Variants in FREM1 observed in about 807,000 individuals in gnomAD.
FREM1 encodes FRAS1 related extracellular matrix 1.
FREM1 carries 220 observed loss-of-function variants against 210.1 expected under a neutral mutation model. The observed-to-expected ratio is 1.05, with a 90% CI of 0.94 to 1.17. The LOEUF (loss-of-function observed/expected upper bound fraction) is 1.17, where lower values mean the gene tolerates loss of function less well. Among genes scored for constraint, FREM1 ranks in the 50% most tolerant of loss-of-function variants. The probability of loss-of-function intolerance (pLI) is 0.00; values close to 1 mark genes in which losing one functional copy is unlikely to be tolerated. For synonymous variants in FREM1, 1,189 were observed against 980.2 expected (o/e 1.21, Z -3.98); for missense variants, 3,454 against 2,675.5 (o/e 1.29, Z -6.42).
intron 1 of FREM1, among the ~76,000 whole-genome samples, chr9:14,878,810 T>C (rs2132087548): frequency 6.6e-6 from 1 of 152,212 alleles, no homozygotes; most frequent in South Asian, 2.1e-4. Context: ...TAAATTCCCT[T>C]ATACTGATTA....
intron 19 of FREM1, 133 bp from the exon 20 acceptor site, chr9:14,802,007 T>G: frequency 1.7e-6 from 1 of 595,060 alleles, no homozygotes; most frequent in Non-Finnish European, 2.9e-6. Flanking sequence ...GGATGAGTCC[T>G]AAAAAGAAAT....
chr9:14,888,640 T>C (rs147381524), intron 1 of FREM1, among the ~76,000 whole-genome samples: 105 of 152,336 alleles, frequency 6.9e-4, no homozygotes, highest in African/African-American at 2.3e-3. Flanking sequence ...TTCATAATTC[T>C]ATTTTAAATC....
intron 10 of FREM1, among the ~76,000 whole-genome samples, chr9:14,832,876 G>A (rs376796917): frequency 2.0e-5 from 3 of 152,088 alleles, no homozygotes; most frequent in African/African-American, 2.4e-5. Flanking sequence ...TATGCTTTGC[G>A]TGTCTTTCTG....
In FREM1 at chr9:14,904,131, A is replaced by C. The variant is rs915579453; in HGVS notation, c.-268+5783T>G. On this transcript the variant is annotated intron_variant, in intron 1 of 36. Transcript: ENST00000380880. ...CTCCGTCTCAAAAAAAAAAAAAAAA[A>C]AAAAAACACTTAGACATTTCTGTGA... Among the ~76,000 whole-genome samples, 8 of 151,704 alleles carry C rather than the reference A, an allele frequency of 5.3e-5. No individual in the cohort carries two copies. The South Asian group carries it at 8.3e-4, about 16-fold the overall frequency.
Position 14,874,763 on chromosome 9 carries a change from T to C in FREM1, c.-267-5519A>G, listed in dbSNP as rs146147140. Among the ~76,000 whole-genome samples, 1,193 of 152,300 alleles carry C rather than the reference T, an allele frequency of 7.8e-3. 22 individuals are homozygous for C. Among genetic ancestry groups the C allele is most frequent in the African/African-American group, 0.027 (1,123 of 41,558 alleles). On this transcript the variant is annotated intron_variant, in intron 1 of 36. Coordinates refer to ENST00000380880, the MANE Select transcript of FREM1 (RefSeq NM_001379081.2). ...AGTTGATGCAGTTTCTTCCTAGTCT[T>C]GATGATCTTCACAATTTGGCATGAT...
chr9:14,823,339 G>T lies in FREM1; in HGVS notation c.2170-12C>A, dbSNP rs778145981. The T allele has an allele frequency of 6.2e-7, 1 of 1,609,682 alleles. No individual in the cohort carries two copies. Among genetic ancestry groups the T allele is most frequent in the Non-Finnish European group, 8.5e-7 (1 of 1,177,264 alleles). On this transcript the variant is annotated splice_polypyrimidine_tract_variant and intron_variant, in intron 12 of 36. Coordinates refer to ENST00000380880, the MANE Select transcript of FREM1 (RefSeq NM_001379081.2). ...TAGTTCACAGCATGCTGCAAAGTAA[G>T]TTGAGATGGATATGTGGGTGCTGAC... is the stretch of plus-strand genomic sequence containing the variant.
chr9:14,853,957 T>A (rs557837321), intron 5 of FREM1, among the ~76,000 whole-genome samples: 5 of 152,296 alleles, frequency 3.3e-5, no homozygotes, highest in Admixed American at 6.5e-5. Context: ...TGGATACAAA[T>A]GATGAAAGAG....
chr9:14,774,036 C>G (rs1440841670), intron 25 of FREM1: 1 of 505,734 alleles, frequency 2.0e-6, no homozygotes, highest in East Asian at 5.5e-5. Flanking sequence ...AAAATAAAAA[C>G]AATAATTTTA....
rs1457124855 is a variant in FREM1 at position 14,842,464 on chromosome 9, A to C, written c.1590T>G (p.Ile530Met). 1 of 1,613,998 alleles carries C rather than the reference A, an allele frequency of 6.2e-7. No homozygotes were observed. The highest frequency in any genetic ancestry group is 1.1e-5 in the South Asian group (1 of 91,082). ...SPPFLITNVV[I>M]ELEEGQTILI... Reference sequence around the variant, plus strand: ...GGATGGTCTGCCCCTCCTCCAGTTCAATCACAACATTGGTTATGAGGAACG... The same window carrying C: ...GGATGGTCTGCCCCTCCTCCAGTTCCATCACAACATTGGTTATGAGGAACG... The change falls in exon 9 of 37, where the codon ATT becomes ATG. Residue 530 changes from isoleucine to methionine, a missense_variant. Coordinates refer to ENST00000380880, the MANE Select transcript of FREM1 (RefSeq NM_001379081.2).
At chr9:14,745,804 T>C (rs887698760) in intron 35 of FREM1, among the ~76,000 whole-genome samples, 8 of 152,234 alleles carry the variant, frequency 5.3e-5, no homozygotes, top group Admixed American at 3.3e-4. Flanking sequence ...TGGTTGTCAT[T>C]CTCTGACCAT....
chr9:14,747,315 C>A lies in FREM1; in HGVS notation c.5958G>T (p.Leu1986=). 1 of 1,613,682 alleles carries A rather than the reference C, an allele frequency of 6.2e-7. No individual in the cohort carries two copies. The highest frequency in any genetic ancestry group is 8.5e-7 in the Non-Finnish European group (1 of 1,179,760). ...TGGATTCCACCTTATCTGCTTGAGG[C>A]AGTTCTGCCACTTTGATTGTCTTTT... ...QPQKTIKVAE[L]PQADKVESTT... is the part of the protein sequence containing the mutation. Residue 1986 remains leucine (L), a synonymous_variant, in exon 33 of 37, where the codon CTG becomes CTT. Coordinates refer to ENST00000380880, the MANE Select transcript of FREM1 (RefSeq NM_001379081.2).
chr9:14,819,473 A>C (rs778917517), intron 13 of FREM1, 31 bp from the exon 14 acceptor site: 38 of 1,462,586 alleles, frequency 2.6e-5, no homozygotes, highest in Non-Finnish European at 3.6e-5. Flanking sequence ...AAACATTCAA[A>C]GCCTTTTTCC....
At chr9:14,893,240 T>A (rs1048260939) in intron 1 of FREM1, among the ~76,000 whole-genome samples, 1 of 152,178 alleles carries the variant, frequency 6.6e-6, no homozygotes, top group Non-Finnish European at 1.5e-5. Context: ...AAGTTTTGAT[T>A]AGTGGGAAAA....
chr9:14,876,759 C>T (rs191426276), intron 1 of FREM1, among the ~76,000 whole-genome samples: 7 of 152,172 alleles, frequency 4.6e-5, no homozygotes, highest in African/African-American at 7.2e-5. Context: ...AGAAATCACC[C>T]GTCTTCTGCA....
chr9:14,851,580 T>C lies in FREM1; in HGVS notation c.856A>G (p.Ile286Val), dbSNP rs1367787791. The change falls in exon 6 of 37, where the codon ATC (isoleucine) becomes GTC (valine). Residue 286 changes from isoleucine (I) to valine (V), a missense_variant. Ile to Val is a conservative substitution (Grantham distance 29). Coordinates refer to ENST00000380880, the MANE Select transcript of FREM1 (RefSeq NM_001379081.2). ...ATCTGATTCGGAATTCCAGCTCTGATATAGACAGGCAGCCACGCACTCTCT... is the reference window on the plus strand; with the variant it reads ...ATCTGATTCGGAATTCCAGCTCTGACATAGACAGGCAGCCACGCACTCTCT... ...KSESAWLPVY[I>V]RAGIPNQIPK... The C allele has an allele frequency of 1.2e-6, 2 of 1,613,892 alleles. No homozygotes were observed. Among genetic ancestry groups the C allele is most frequent in the South Asian group, 1.1e-5 (1 of 91,074 alleles).
intron 5 of FREM1, 118 bp downstream of exon 5, chr9:14,857,435 T>C: frequency 1.1e-6 from 1 of 891,994 alleles, no homozygotes; most frequent in Non-Finnish European, 1.9e-6. Context: ...TCGCTGGCAG[T>C]TTTACCCCCA....
At chr9:14,765,887 G>A (rs150030617) in intron 27 of FREM1, among the ~76,000 whole-genome samples, 113 of 152,314 alleles carry the variant, frequency 7.4e-4, no homozygotes, top group African/African-American at 2.6e-3. Flanking sequence ...CCACGTAGAA[G>A]CTGTATTAGG....
intron 17 of FREM1, among the ~76,000 whole-genome samples, chr9:14,807,650 T>C (rs773916362): frequency 5.4e-5 from 8 of 148,352 alleles, no homozygotes; most frequent in Non-Finnish European, 8.9e-5. Context: ...TGCAATGTTG[T>C]CCTTGTCCCA....
chr9:14,831,020 G>C (rs1308598041), intron 10 of FREM1, among the ~76,000 whole-genome samples: 1 of 152,200 alleles, frequency 6.6e-6, no homozygotes. Context: ...TATAAGGCTT[G>C]CTGGGGAGAA....
Sources: allele counts gnomAD v4.1 joint callset (sites outside exome capture counted in the v4.1 genomes callset), GRCh38; gene constraint gnomAD v4.1.1; transcripts MANE v1.5; gene names NCBI Gene and HGNC (gene_info 2026-07-23, HGNC 2026-07-21).